TMEM181: variants seen among roughly 807,000 people sequenced by gnomAD.
The protein encoded by TMEM181 is G protein-coupled receptor 178.
Under a neutral mutation model 71.9 loss-of-function variants are expected in TMEM181, and 39 were observed. That is an observed-to-expected ratio of 0.54 (90% CI 0.42 to 0.71). TMEM181 has a LOEUF of 0.71. TMEM181 is among the 30% of genes least tolerant of loss of function. The pLI is 0.00. For synonymous variants in TMEM181, 245 were observed against 228.8 expected, an observed-to-expected ratio of 1.07 and a Z score of -0.64; for missense variants, 595 against 583.0, an observed-to-expected ratio of 1.02 and a Z score of -0.21.
intron 6 of TMEM181, among the ~76,000 whole-genome samples, chr6:158,591,390 G>C (rs930810666): frequency 6.6e-6 from 1 of 152,078 alleles, no homozygotes; most frequent in Non-Finnish European, 1.5e-5. Context: ...CGGCTCTCTC[G>C]GGAGCCACGT....
intron 1 of TMEM181, among the ~76,000 whole-genome samples, chr6:158,564,353 A>G (rs1782363148): frequency 1.3e-5 from 2 of 152,198 alleles, no homozygotes; most frequent in Non-Finnish European, 2.9e-5. Flanking sequence ...GTGGGCCTGC[A>G]TCCTCTCACC....
At chr6:158,567,008 AAGTG>A (rs1782546406) in intron 1 of TMEM181, among the ~76,000 whole-genome samples, 1 of 152,210 alleles carries the variant, frequency 6.6e-6, no homozygotes, top group Non-Finnish European at 1.5e-5. Flanking sequence ...GCACCTGTGA[AAGTG>A]AGATTAATTT....
At chr6:158,596,975 T>C (rs117805567) in intron 6 of TMEM181, among the ~76,000 whole-genome samples, 1,818 of 152,284 alleles carry the variant, frequency 0.012, 21 homozygotes, top group Non-Finnish European at 0.016. Context: ...ACCGTATCAC[T>C]TCCCTAATGT....
chr6:158,585,450 AGTCAGTCCTCAGGCT>A (rs745774124), intron 5 of TMEM181, 25 bp downstream of exon 5: 1 of 1,555,236 alleles, frequency 6.4e-7, no homozygotes, highest in South Asian at 1.2e-5. Flanking sequence ...TGAGCCCCAC[AGTCAGTCCTCAGGCT>A]GTGTACACGT....
rs560911997 is a variant in TMEM181, at chr6:158,576,021, G to A, written c.112+2498G>A. ...CTAAAGAAATGCATTGTAAGAATCT[G>A]TGAAGCTTGGAGAGGATTCTGGGAA... is the stretch of plus-strand genomic sequence containing the variant. On this transcript the variant is annotated intron_variant, in intron 2 of 16. Coordinates refer to ENST00000684151, the MANE Select transcript of TMEM181 (RefSeq NM_001376852.1). Among the ~76,000 whole-genome samples the A allele has an allele frequency of 1.2e-3, 183 of 152,332 alleles. 1 individual carries two copies. Among genetic ancestry groups the A allele is most frequent in the African/African-American group, 4.1e-3 (170 of 41,580 alleles).
intron 5 of TMEM181, among the ~76,000 whole-genome samples, chr6:158,589,423 T>G (rs1783976267): frequency 1.3e-5 from 2 of 152,218 alleles, no homozygotes; most frequent in Non-Finnish European, 2.9e-5. Flanking sequence ...GTGACTTATT[T>G]TCAGTCATCC....
chr6:158,629,519 C>T (rs1286295629), intron 14 of TMEM181, among the ~76,000 whole-genome samples: 5 of 152,150 alleles, frequency 3.3e-5, no homozygotes, highest in Non-Finnish European at 7.3e-5. Flanking sequence ...CCATAGTTCA[C>T]CTGTTATTTA....
At chr6:158,602,223 G>A (rs754138418) in intron 6 of TMEM181, among the ~76,000 whole-genome samples, 4 of 152,176 alleles carry the variant, frequency 2.6e-5, no homozygotes, top group Admixed American at 6.5e-5. Flanking sequence ...GAGCTTGATC[G>A]ATGATGAGTG....
intron 6 of TMEM181, among the ~76,000 whole-genome samples, chr6:158,594,205 T>C (rs1194137423): frequency 6.6e-6 from 1 of 151,346 alleles, no homozygotes; most frequent in Non-Finnish European, 1.5e-5. Context: ...TTCAAGTGAT[T>C]CTCATACCTT....
intron 6 of TMEM181, among the ~76,000 whole-genome samples, chr6:158,595,428 G>T (rs187536633): frequency 2.6e-5 from 4 of 152,296 alleles, no homozygotes; most frequent in African/African-American, 9.6e-5. Flanking sequence ...CCCCTGCTGG[G>T]GAGCGTGTAA....
In TMEM181 at chr6:158,633,638, T is replaced by C. The variant is rs1372754482; in HGVS notation, c.*1750T>C. The C allele has an allele frequency of 6.6e-6, 1 of 152,262 alleles. No individual in the cohort carries two copies. The highest frequency in any genetic ancestry group is 1.5e-5 in the Non-Finnish European group (1 of 68,046). The allele number at this position is 152,262 out of a possible 1,614,324, so 9.4% of individuals were successfully genotyped here. On this transcript the variant is annotated 3_prime_UTR_variant, in exon 17 of 17. Coordinates refer to ENST00000684151, the MANE Select transcript of TMEM181 (RefSeq NM_001376852.1). The stretch of plus-strand genomic sequence containing the variant: ...GATGTTCATGAGAAACTATTTGTTA[T>C]GACTTTCCTTTGTATCTTTCCTTTT...
At chr6:158,630,892 T>G (rs1786624581) in intron 15 of TMEM181, among the ~76,000 whole-genome samples, 1 of 152,076 alleles carries the variant, frequency 6.6e-6, no homozygotes, top group Non-Finnish European at 1.5e-5. Context: ...GCGTCTCACT[T>G]AAGCTTCACA....
chr6:158,568,387 G>A (rs556950175), intron 1 of TMEM181, among the ~76,000 whole-genome samples: 6 of 152,244 alleles, frequency 3.9e-5, no homozygotes, highest in Non-Finnish European at 8.8e-5. Flanking sequence ...GAAGGACGGA[G>A]AGAGAAGCAG....
chr6:158,623,101 C>T lies in TMEM181; in HGVS notation c.897-449C>T, dbSNP rs1384205156. On this transcript the variant is annotated intron_variant, in intron 10 of 16. Coordinates refer to ENST00000684151, the MANE Select transcript of TMEM181 (RefSeq NM_001376852.1). ...ACCCAAGTGAGTCACCCCGTCTGCT[C>T]CAGTCCCCTGTCCCCAATTCCCTGT... Among the ~76,000 whole-genome samples, 3 of 152,178 alleles carry T rather than the reference C, an allele frequency of 2.0e-5. No individual in the cohort carries two copies. In the East Asian group the frequency reaches 5.8e-4, roughly 29 times the overall value.
At chr6:158,542,265 A>G (rs564372054) in intron 1 of TMEM181, among the ~76,000 whole-genome samples, 1 of 152,274 alleles carries the variant, frequency 6.6e-6, no homozygotes, top group East Asian at 1.9e-4. Flanking sequence ...CACGTATAGT[A>G]TTGGGCATTT....
chr6:158,584,971 T>G (rs1435558309), intron 4 of TMEM181, among the ~76,000 whole-genome samples: 2 of 152,210 alleles, frequency 1.3e-5, no homozygotes, highest in Non-Finnish European at 2.9e-5. Context: ...CTATTTTTGG[T>G]ATAGAATTTG....
Position 158,585,361 on chromosome 6 carries a change from A to G in TMEM181, c.317A>G (p.Asp106Gly). 1 of 1,612,408 alleles carries G rather than the reference A, an allele frequency of 6.2e-7. No homozygotes were observed. Among genetic ancestry groups the G allele is most frequent in the South Asian group, 1.1e-5 (1 of 90,642 alleles). Residue 106 changes from aspartate (D) to glycine (G), a missense_variant, in exon 5 of 17, where the codon GAT becomes GGT. Coordinates refer to ENST00000684151, the MANE Select transcript of TMEM181 (RefSeq NM_001376852.1). The stretch of plus-strand genomic sequence containing the variant: ...GTTAAAGTCGATGGTGTAGCTCAAG[A>G]TGGAACCACGATGTACATTCATAAC... ...MTVKVDGVAQ[D>G]GTTMYIHNKV...
At chr6:158,564,354 T>C (rs1261715077) in intron 1 of TMEM181, among the ~76,000 whole-genome samples, 1 of 152,100 alleles carries the variant, frequency 6.6e-6, no homozygotes, top group East Asian at 1.9e-4. Context: ...TGGGCCTGCA[T>C]CCTCTCACCC....
At chr6:158,587,974 CT>C (rs1783876358) in intron 5 of TMEM181, among the ~76,000 whole-genome samples, 1 of 152,214 alleles carries the variant, frequency 6.6e-6, no homozygotes, top group Non-Finnish European at 1.5e-5. Context: ...TTAGCCACCC[CT>C]GCCTTTGCGC....
Sources: gnomAD v4.1 joint callset for allele counts (sites outside exome capture counted in the v4.1 genomes callset) on GRCh38, gnomAD v4.1.1 for gene constraint, MANE v1.5 for transcripts, NCBI Gene and HGNC (gene_info 2026-07-23, HGNC 2026-07-21) for gene names.